UGT2A3: variants seen among roughly 807,000 people sequenced by gnomAD.
The protein encoded by UGT2A3 is UDP-glucuronosyltransferase 2A3.
A neutral mutation model predicts 44.1 loss-of-function variants in UGT2A3; 55 were observed. The observed-to-expected ratio is 1.25, with a 90% CI of 1.00 to 1.56. The LOEUF is 1.56. UGT2A3 is among the 40% of genes most tolerant of loss of function. The pLI is 0.00. For synonymous variants in UGT2A3, 243 were observed against 215.1 expected, an observed-to-expected ratio of 1.13 and a Z score of -1.13; for missense variants, 733 against 621.6, an observed-to-expected ratio of 1.18 and a Z score of -1.91.
chr4:68,933,235 G>A (rs1195230519), intron 2 of UGT2A3, among the ~76,000 whole-genome samples: 1 of 152,042 alleles, frequency 6.6e-6, no homozygotes, highest in Middle Eastern at 3.4e-3. Flanking sequence ...AAAATCTTAT[G>A]GGTTCATGGA....
intron 1 of UGT2A3, among the ~76,000 whole-genome samples, chr4:68,948,439 C>CTTCT (rs1718461344): frequency 1.8e-5 from 2 of 110,152 alleles, no homozygotes; most frequent in Non-Finnish European, 1.7e-5. Context: ...TCTTTTTTTT[C>CTTCT]TTTTTTTTTT....
Position 68,951,449 on chromosome 4 carries a change from C to T in UGT2A3, c.312G>A (p.Trp104Ter), listed in dbSNP as rs372376698. 3 of 1,612,134 alleles carry T rather than the reference C, an allele frequency of 1.9e-6. No homozygotes were observed. The highest frequency in any genetic ancestry group is 2.5e-6 in the Non-Finnish European group (3 of 1,179,118). ...ALNVLPGLSTWQSVIKLNDFF... is the reference protein window; with the variant it reads ...ALNVLPGLST ...AATCATTTAATTTTATAACTGATTGCCAGGTTGATAAGCCTGGCAAGACAT... is the reference window on the plus strand; with the variant it reads ...AATCATTTAATTTTATAACTGATTGTCAGGTTGATAAGCCTGGCAAGACAT... Residue 104 changes from tryptophan to a stop codon, truncating the protein, a stop_gained, in exon 1 of 6, where the codon TGG becomes TGA. Transcript: ENST00000251566. LOFTEE classifies it high-confidence loss of function.
rs767210111 is a variant in UGT2A3, at chr4:68,930,590, G to T, written c.1260C>A (p.Ser420Arg). The stretch of plus-strand genomic sequence containing the variant: ...TTCTCAAAGCCCTCAGTAAATCTTC[G>T]CTTGTCATAGTTTTGAAGTTTATTT... ...AVEINFKTMT[S>R]EDLLRALRTV... The change falls in exon 5 of 6, where the codon AGC (serine) becomes AGA (arginine). Residue 420 changes from serine (S) to arginine (R), a missense_variant. By Grantham distance (110) the Ser-to-Arg change is moderately radical (BLOSUM62 -1). Coordinates refer to ENST00000251566, the MANE Select transcript of UGT2A3 (RefSeq NM_024743.4). The T allele has an allele frequency of 5.6e-6, 9 of 1,613,136 alleles. No homozygotes were observed. The highest frequency in any genetic ancestry group is 6.8e-6 in the Non-Finnish European group (8 of 1,179,510).
chr4:68,949,997 T>G (rs1355368781), intron 1 of UGT2A3, among the ~76,000 whole-genome samples: 1 of 151,892 alleles, frequency 6.6e-6, no homozygotes, highest in Non-Finnish European at 1.5e-5. Context: ...GATAACACTT[T>G]TGTTTTATTT....
intron 3 of UGT2A3, 112 bp downstream of exon 3, chr4:68,932,516 G>C: frequency 7.0e-6 from 9 of 1,279,588 alleles, no homozygotes; most frequent in Non-Finnish European, 9.7e-6. Flanking sequence ...ATAATGTTTT[G>C]CAAATTTTGG....
chr4:68,933,662 C>T (rs1392116837), intron 2 of UGT2A3, among the ~76,000 whole-genome samples: 1 of 151,998 alleles, frequency 6.6e-6, no homozygotes, highest in Non-Finnish European at 1.5e-5. Context: ...TTACAAATAT[C>T]CCAGGTGATC....
At chr4:68,941,143 A>G (rs1056514017) in intron 2 of UGT2A3, among the ~76,000 whole-genome samples, 1 of 151,610 alleles carries the variant, frequency 6.6e-6, no homozygotes, top group Non-Finnish European at 1.5e-5. Context: ...CTCTCTTGTC[A>G]TGAGACCTTT....
chr4:68,932,637 G>T lies in UGT2A3; in HGVS notation c.987C>A (p.Ile329=). The T allele has an allele frequency of 1.2e-6, 2 of 1,607,432 alleles. No homozygotes were observed. The highest frequency in any genetic ancestry group is 1.7e-6 in the Non-Finnish European group (2 of 1,176,918). Residue 329 remains isoleucine (I), a synonymous_variant, in exon 3 of 6, where the codon ATC becomes ATA. Transcript: ENST00000251566. ...ANIIASALAQ[I]PQKVLWRYKG... is the part of the protein sequence containing the mutation. ...TGGAGGTTTTACTGACCTTCTGTGGGATCTGGGCAAGGGCTGAAGCAATGA... is the reference window on the plus strand; with the variant it reads ...TGGAGGTTTTACTGACCTTCTGTGGTATCTGGGCAAGGGCTGAAGCAATGA...
chr4:68,930,089 A>G lies in UGT2A3; in HGVS notation c.1308T>C (p.Tyr436=), dbSNP rs1428094545. ...ALRTVITDSS[Y]KENAMRLSRI... Reference sequence around the variant, plus strand: ...TTGATAATCTCATAGCATTCTCTTTATAACTGGAAGGGAAAAACACACATA... The same window carrying G: ...TTGATAATCTCATAGCATTCTCTTTGTAACTGGAAGGGAAAAACACACATA... The change falls in exon 6 of 6, where the codon TAT becomes TAC. Residue 436 remains tyrosine (Y), a synonymous_variant. Transcript: ENST00000251566. 3.7e-6 allele frequency: 6 copies of G among 1,603,844 alleles called. No individual in the cohort carries two copies. Among genetic ancestry groups the G allele is most frequent in the Admixed American group, 1.7e-5 (1 of 58,778 alleles).
intron 2 of UGT2A3, among the ~76,000 whole-genome samples, chr4:68,940,694 T>TTA (rs1020161138): frequency 1.2e-4 from 18 of 148,140 alleles, no homozygotes; most frequent in African/African-American, 3.7e-4. Flanking sequence ...TTAAAGTATT[T>TTA]TATATATATA....
rs1457911167 is a variant in UGT2A3, at chr4:68,930,732, C to A, written c.1118G>T (p.Gly373Val). ...HPKTKAFITH[G>V]GMNGIYEAIY... is the part of the protein sequence containing the mutation. ...AGCTTCATAGATCCCATTCATTCCA[C>A]CATGAGTGATAAAAGCTTTGGTTTT... The change falls in exon 5 of 6, where the codon GGT becomes GTT. Residue 373 changes from glycine to valine, a missense_variant. By Grantham distance (109) the Gly-to-Val change is moderately radical. Transcript: ENST00000251566. The A allele has an allele frequency of 2.5e-6, 4 of 1,606,036 alleles. No individual in the cohort carries two copies. The highest frequency in any genetic ancestry group is 3.4e-6 in the Non-Finnish European group (4 of 1,177,314).
At chr4:68,949,471 T>C (rs1435236088) in intron 1 of UGT2A3, among the ~76,000 whole-genome samples, 1 of 151,860 alleles carries the variant, frequency 6.6e-6, no homozygotes, top group Non-Finnish European at 1.5e-5. Context: ...AATAAACGTG[T>C]AACCATCAAG....
chr4:68,942,150 A>G (rs1465498439), intron 2 of UGT2A3, among the ~76,000 whole-genome samples: 4 of 151,672 alleles, frequency 2.6e-5, no homozygotes, highest in Non-Finnish European at 5.9e-5. Context: ...ATAAACTAAG[A>G]AGTCATAGAG....
intron 1 of UGT2A3, among the ~76,000 whole-genome samples, chr4:68,945,735 A>G (rs78038140): frequency 1.3e-5 from 2 of 148,872 alleles, no homozygotes; most frequent in African/African-American, 4.9e-5. Context: ...AAGGAAGGAA[A>G]GAAGGAAGGA....
At chr4:68,935,276 GTATATATATATATA>G (rs57286694) in intron 2 of UGT2A3, among the ~76,000 whole-genome samples, 643 of 60,142 alleles carry the variant, frequency 0.011, 14 homozygotes, top group African/African-American at 0.029. Flanking sequence ...ATGTATGTAT[GTATATATATATATA>G]TATATATATA....
At chr4:68,947,128 A>G (rs778277547) in intron 1 of UGT2A3, among the ~76,000 whole-genome samples, 23 of 151,744 alleles carry the variant, frequency 1.5e-4, no homozygotes, top group Non-Finnish European at 2.7e-4. Flanking sequence ...TCTGTAGCAT[A>G]TGATGATGTT....
rs1386894044 is a variant in UGT2A3, at chr4:68,929,884, A to G, written c.1513T>C (p.Leu505=). 23 of 1,610,428 alleles carry G rather than the reference A, an allele frequency of 1.4e-5. No homozygotes were observed. Among genetic ancestry groups the G allele is most frequent in the Non-Finnish European group, 1.9e-5 (22 of 1,178,380 alleles). ...GAAAATAAAAAACATTTTGTGAACAAGAATATAGCAGTTGCCACACAGGCC... is the reference window on the plus strand; with the variant it reads ...GAAAATAAAAAACATTTTGTGAACAGGAATATAGCAGTTGCCACACAGGCC... ...LLACVATAIF[L]FTKCFLFSCQ... The change falls in exon 6 of 6, where the codon TTG becomes CTG. Residue 505 remains leucine, a synonymous_variant. Transcript: ENST00000251566.
At chr4:68,930,378 C>G (rs1239621923) in intron 5 of UGT2A3, among the ~76,000 whole-genome samples, 168 bp downstream of exon 5, 1 of 152,018 alleles carries the variant, frequency 6.6e-6, no homozygotes, top group Non-Finnish European at 1.5e-5. Context: ...AAGTTTGACA[C>G]TCTATGAACT....
Position 68,931,144 on chromosome 4 carries a change from C to T in UGT2A3, c.1084+11G>A, listed in dbSNP as rs895780308. The stretch of plus-strand genomic sequence containing the variant: ...CGTCTAGTTCATATTTTTACTTTCT[C>T]ATAGACCTACCAAGAAGATCATTCT... On this transcript the variant is annotated intron_variant, in intron 4 of 5. Transcript: ENST00000251566. 1.4e-5 allele frequency: 22 copies of T among 1,606,476 alleles called. No individual in the cohort carries two copies. Among genetic ancestry groups the T allele is most frequent in the Non-Finnish European group, 1.7e-5 (20 of 1,175,436 alleles).
Sources: gnomAD v4.1 joint callset for allele counts (sites outside exome capture counted in the v4.1 genomes callset) on GRCh38, gnomAD v4.1.1 for gene constraint, MANE v1.5 for transcripts, NCBI Gene and HGNC (gene_info 2026-07-23, HGNC 2026-07-21) for gene names.